The following SH2D1A variants were observed in gnomAD, a reference collection of about 807,000 sequenced individuals.
SH2D1A encodes SH2 domain-containing protein 1A.
Under a neutral mutation model 10.1 loss-of-function variants are expected in SH2D1A, and 6 were observed. The observed-to-expected ratio is 0.60, with a 90% CI of 0.33 to 1.18. The LOEUF (loss-of-function observed/expected upper bound fraction) is 1.18, where lower values mean the gene tolerates loss of function less well. Among genes scored for constraint, SH2D1A ranks in the 50% most tolerant of loss-of-function variants. SH2D1A has a pLI of 0.04. For synonymous variants in SH2D1A, 42 were observed against 36.9 expected, an observed-to-expected ratio of 1.14 and a Z score of -0.51; for missense variants, 51 against 97.6, an observed-to-expected ratio of 0.52 and a Z score of 2.01.
intron 2 of SH2D1A, among the ~76,000 whole-genome samples, chrX:124,366,459 G>A (rs148007283): frequency 0.01 from 1,140 of 111,168 alleles, 23 homozygotes; most frequent in African/African-American, 0.036. Flanking sequence ...ACATAAAGAA[G>A]CTGTTTGCCA....
At chrX:124,371,222 C>A in intron 3 of SH2D1A, 129 bp from the exon 4 acceptor site, 1 of 438,713 alleles carries the variant, frequency 2.3e-6, no homozygotes, top group Non-Finnish European at 3.9e-6. Flanking sequence ...ATAATAGTTG[C>A]TTGAGGTATA....
chrX:124,349,757 G>A (rs1021651733), intron 1 of SH2D1A, among the ~76,000 whole-genome samples: 7 of 110,182 alleles, frequency 6.4e-5, no homozygotes, highest in Non-Finnish European at 1.9e-5. Flanking sequence ...TTAGAAAATC[G>A]AAAATTGAAC....
In SH2D1A at chrX:124,371,935, A is replaced by G; in HGVS notation, c.*544A>G. On this transcript the variant is annotated 3_prime_UTR_variant, in exon 4 of 4. Coordinates refer to ENST00000371139, the MANE Select transcript of SH2D1A (RefSeq NM_002351.5). The stretch of plus-strand genomic sequence containing the variant: ...TGAAGGATTTATGTTTAATTCTGAA[A>G]GCAACCTTCTTGCCTAGTGTTCTGA... The G allele has an allele frequency of 6.3e-6, 1 of 157,753 alleles. No individual in the cohort carries two copies. The highest frequency in any genetic ancestry group is 1.2e-5 in the Non-Finnish European group (1 of 80,398). The allele number at this position is 157,753 out of a possible 1,213,427, so 13.0% of individuals were successfully genotyped here.
chrX:124,358,653 G>A (rs1383413777), intron 1 of SH2D1A, among the ~76,000 whole-genome samples: 1 of 112,333 alleles, frequency 8.9e-6, no homozygotes, highest in Admixed American at 9.4e-5. Context: ...TAGACTGAAT[G>A]ACTACGGAGG....
Position 124,351,656 on chromosome X carries a change from C to T in SH2D1A, c.137+4877C>T, listed in dbSNP as rs181241176. ...TATTTACACTCTATCTCTTTATTTTCCACATTTTATATTCCTTTGGTTAGT... is the reference window on the plus strand; with the variant it reads ...TATTTACACTCTATCTCTTTATTTTTCACATTTTATATTCCTTTGGTTAGT... On this transcript the variant is annotated intron_variant, in intron 1 of 3. Coordinates refer to ENST00000371139, the MANE Select transcript of SH2D1A (RefSeq NM_002351.5). 3.6e-3 allele frequency among the ~76,000 whole-genome samples: 396 copies of T among 110,641 alleles called. 3 individuals carry two copies. Among genetic ancestry groups the T allele is most frequent in the African/African-American group, 0.012 (380 of 30,582 alleles).
intron 1 of SH2D1A, among the ~76,000 whole-genome samples, chrX:124,347,095 A>C (rs1376990533): frequency 9.0e-6 from 1 of 111,235 alleles, no homozygotes; most frequent in Non-Finnish European, 1.9e-5. Context: ...TCCGGGAAAG[A>C]CCCAGGCTCC....
Position 124,372,046 on chromosome X carries a change from T to C in SH2D1A, c.*655T>C, listed in dbSNP as rs1042110427. 6.3e-6 allele frequency: 1 copy of C among 159,108 alleles called. No homozygotes were observed. Among genetic ancestry groups the C allele is most frequent in the Non-Finnish European group, 1.2e-5 (1 of 82,154 alleles). 13.1% of individuals were successfully genotyped at this position (159,108 alleles called of 1,213,427 possible). On this transcript the variant is annotated 3_prime_UTR_variant, in exon 4 of 4. Coordinates refer to ENST00000371139, the MANE Select transcript of SH2D1A (RefSeq NM_002351.5). Reference sequence around the variant, plus strand: ...CTCTAAACATGTTTATCGTATTTGATGCTACAGGATTTGAAATTGTATTAC... The same window carrying C: ...CTCTAAACATGTTTATCGTATTTGACGCTACAGGATTTGAAATTGTATTAC...
At chrX:124,365,310 A>G (rs1360272801) in intron 1 of SH2D1A, among the ~76,000 whole-genome samples, 2 of 110,431 alleles carry the variant, frequency 1.8e-5, no homozygotes, top group Non-Finnish European at 3.8e-5. Flanking sequence ...TTATATTTAT[A>G]ACAAATATTA....
At chrX:124,365,037 A>G (rs1359775479) in intron 1 of SH2D1A, among the ~76,000 whole-genome samples, 1 of 111,209 alleles carries the variant, frequency 9.0e-6, no homozygotes, top group Non-Finnish European at 1.9e-5. Flanking sequence ...TATTCTGTAC[A>G]GTAACATGCT....
At chrX:124,362,091 G>A (rs2060041384) in intron 1 of SH2D1A, among the ~76,000 whole-genome samples, 2 of 111,971 alleles carry the variant, frequency 1.8e-5, no homozygotes, top group Admixed American at 1.9e-4. Flanking sequence ...AGGACAGTAT[G>A]GTATAGTTAT....
intron 1 of SH2D1A, among the ~76,000 whole-genome samples, chrX:124,355,004 G>T (rs957875726): frequency 8.9e-6 from 1 of 112,667 alleles, no homozygotes; most frequent in Admixed American, 9.4e-5. Context: ...ATGGCTTTGT[G>T]TAGGATACTA....
At chrX:124,364,615 CTGCCTCAG>C (rs1326290106) in intron 1 of SH2D1A, among the ~76,000 whole-genome samples, 1 of 110,459 alleles carries the variant, frequency 9.1e-6, no homozygotes, top group Non-Finnish European at 1.9e-5. Context: ...AGCGATTCTC[CTGCCTCAG>C]TGCCTCAGCC....
chrX:124,349,545 C>T (rs1176483559), intron 1 of SH2D1A, among the ~76,000 whole-genome samples: 1 of 111,642 alleles, frequency 9.0e-6, no homozygotes, highest in African/African-American at 3.3e-5. Flanking sequence ...AGAATGGTTT[C>T]TCATTCTATC....
chrX:124,350,701 GATAAT>G (rs2060010906), intron 1 of SH2D1A, among the ~76,000 whole-genome samples: 1 of 16,798 alleles, frequency 6.0e-5, no homozygotes, highest in Non-Finnish European at 8.0e-5. Flanking sequence ...TTGTATATAA[GATAAT>G]ATATTATATA....
chrX:124,371,009 A>G (rs971491919), intron 3 of SH2D1A, among the ~76,000 whole-genome samples: 2 of 111,913 alleles, frequency 1.8e-5, no homozygotes, highest in African/African-American at 6.5e-5. Flanking sequence ...TGATTGAAAC[A>G]ATAAATATTT....
At chrX:124,346,848 G>A in intron 1 of SH2D1A, 69 bp downstream of exon 1, 2 of 1,170,097 alleles carry the variant, frequency 1.7e-6, no homozygotes, top group Non-Finnish European at 2.3e-6. Context: ...CTGGGGCCAG[G>A]GTGGAGGCCG....
chrX:124,356,978 T>C (rs145834408), intron 1 of SH2D1A, among the ~76,000 whole-genome samples: 2 of 112,346 alleles, frequency 1.8e-5, no homozygotes, highest in African/African-American at 6.5e-5. Flanking sequence ...CATACTTACA[T>C]TTTGTGATGA....
intron 2 of SH2D1A, among the ~76,000 whole-genome samples, chrX:124,366,874 CAA>C (rs1476507292): frequency 3.7e-5 from 3 of 80,031 alleles, no homozygotes; most frequent in African/African-American, 1.8e-4. Flanking sequence ...AATATACTGA[CAA>C]ACACACACAC....
At chrX:124,350,418 TATATATTATATACTATATATAATATATAA>T (rs1279089380) in intron 1 of SH2D1A, among the ~76,000 whole-genome samples, 15 of 27,078 alleles carry the variant, frequency 5.5e-4, no homozygotes, top group African/African-American at 1.9e-3. Flanking sequence ...AATATATAAA[TATATATTATATACTATATATAATATATAA>T]ATATATATTA....
Sources: gnomAD v4.1 joint callset for allele counts (sites outside exome capture counted in the v4.1 genomes callset) on GRCh38, gnomAD v4.1.1 for gene constraint, MANE v1.5 for transcripts, NCBI Gene and HGNC (gene_info 2026-07-23, HGNC 2026-07-21) for gene names.